Variants in BAHD1 observed in about 807,000 individuals in gnomAD.
BAHD1 encodes bromo adjacent homology domain containing 1, also known as bromo adjacent homology domain-containing 1 protein.
BAHD1 carries 20 observed loss-of-function variants against 63.1 expected under a neutral mutation model. The ratio of observed to expected loss-of-function variants is 0.32; its 90% CI spans 0.22 to 0.46. The LOEUF (loss-of-function observed/expected upper bound fraction) is 0.46, where lower values mean the gene tolerates loss of function less well. Among genes scored for constraint, BAHD1 ranks in the 20% least tolerant of loss-of-function variants. The pLI, the probability that BAHD1 is intolerant of heterozygous loss-of-function variation, is 1.00. For synonymous variants in BAHD1, 408 were observed against 426.8 expected (o/e 0.96, Z 0.54); for missense variants, 939 against 1,071.8 (o/e 0.88, Z 1.73).
chr15:40,459,266 G>C lies in BAHD1; in HGVS notation c.802G>C (p.Glu268Gln). Residue 268 changes from glutamate (E) to glutamine (Q), a missense_variant, in exon 2 of 7, where the codon GAG becomes CAG. By Grantham distance (29) the Glu-to-Gln change is conservative. Around this residue, in one of 5 missense-constraint regions of BAHD1, gnomAD observed 797 missense variants for 813.3 expected, o/e 0.98. Coordinates refer to ENST00000416165, the MANE Select transcript of BAHD1 (RefSeq NM_014952.5). ...GGCTTGGCAGGGGGCCAGCTCTGGG[G>C]AGGCTGCAGGCCCACCTGGCTGGCA... ...PKAWQGASSG[E>Q]AAGPPGWQGC... The C allele has an allele frequency of 6.2e-7, 1 of 1,612,798 alleles. No homozygotes were observed. The highest frequency in any genetic ancestry group is 8.5e-7 in the Non-Finnish European group (1 of 1,179,896).
At chr15:40,455,595 G>A (rs1261534042) in intron 1 of BAHD1, among the ~76,000 whole-genome samples, 1 of 152,200 alleles carries the variant, frequency 6.6e-6, no homozygotes, top group Non-Finnish European at 1.5e-5. Flanking sequence ...TGCTAAGAAC[G>A]CTTCCAGTAG....
chr15:40,461,270 C>T (rs1894030956), intron 2 of BAHD1, among the ~76,000 whole-genome samples: 1 of 152,168 alleles, frequency 6.6e-6, no homozygotes, highest in Non-Finnish European at 1.5e-5. Context: ...TGCCTGAAGT[C>T]ACATGGCTAG....
At chr15:40,446,504 C>T (rs943980580) in intron 1 of BAHD1, among the ~76,000 whole-genome samples, 1 of 152,190 alleles carries the variant, frequency 6.6e-6, no homozygotes, top group Non-Finnish European at 1.5e-5. Context: ...TGGTTATTCA[C>T]TTGACTCAGT....
chr15:40,455,966 A>ATGTTGT (rs772749789), intron 1 of BAHD1, among the ~76,000 whole-genome samples: 1 of 151,844 alleles, frequency 6.6e-6, no homozygotes, highest in Non-Finnish European at 1.5e-5. Context: ...AAATGGGATG[A>ATGTTGT]TGTTGTTGTT....
In BAHD1 at chr15:40,467,615, C is replaced by T. The variant is rs975837134; in HGVS notation, c.*1485C>T. Reference sequence around the variant, plus strand: ...AAATGAACCCTGAGGGCTCCCCCAACTTGCCATGCCCTGTCCCTTAGTAGA... The same window carrying T: ...AAATGAACCCTGAGGGCTCCCCCAATTTGCCATGCCCTGTCCCTTAGTAGA... On this transcript the variant is annotated 3_prime_UTR_variant, in exon 7 of 7. Transcript: ENST00000416165. 1.2e-4 allele frequency: 18 copies of T among 152,886 alleles called. No individual in the cohort carries two copies. The highest frequency in any genetic ancestry group is 4.1e-4 in the African/African-American group (17 of 41,460). 9.5% of individuals were successfully genotyped at this position (152,886 alleles called of 1,614,324 possible).
In BAHD1 at chr15:40,463,813, C is replaced by CT. The variant is rs763934576; in HGVS notation, c.1816-47dup. On this transcript the variant is annotated intron_variant, in intron 3 of 6. Transcript: ENST00000416165. ...GTCATTCCCTCTCTCTGTCCTTACT[C>CT]TGAGTGTGGCTCTGCAAGCCTATTT... The CT allele has an allele frequency of 3.1e-5, 50 of 1,604,808 alleles. No individual in the cohort carries two copies. The African/African-American group carries it at 5.9e-4, about 19-fold the overall frequency.
intron 1 of BAHD1, among the ~76,000 whole-genome samples, chr15:40,450,625 A>G (rs940982133): frequency 6.6e-6 from 1 of 151,608 alleles, no homozygotes; most frequent in African/African-American, 2.4e-5. Flanking sequence ...TTCCTGTTTT[A>G]TTTCTCCCAC....
chr15:40,465,148 G>T (rs147347706), intron 5 of BAHD1, 187 bp from the exon 6 acceptor site: 278 of 600,144 alleles, frequency 4.6e-4, no homozygotes, highest in African/African-American at 3.5e-3. Context: ...AGAAGGGGGG[G>T]ACCTAGAAGG....
At position 40,467,177 on chromosome 15, in the gene BAHD1, A is replaced by C. The variant is rs537605973; in HGVS notation, c.*1047A>C. On this transcript the variant is annotated 3_prime_UTR_variant, in exon 7 of 7. Coordinates refer to ENST00000416165, the MANE Select transcript of BAHD1 (RefSeq NM_014952.5). ...CTGCTGAGCTGCAGCCACTTGCTCT[A>C]GGAGCTAAGGACTTGCATTTTCAGT... The C allele has an allele frequency of 3.3e-5, 5 of 152,762 alleles. No individual in the cohort carries two copies. The highest frequency in any genetic ancestry group is 7.3e-5 in the Non-Finnish European group (5 of 68,116). 9.5% of individuals were successfully genotyped at this position (152,762 alleles called of 1,614,324 possible).
At chr15:40,463,623 G>T (rs2141548108) in intron 3 of BAHD1, among the ~76,000 whole-genome samples, 1 of 152,300 alleles carries the variant, frequency 6.6e-6, no homozygotes, top group South Asian at 2.1e-4. Context: ...CGGGTATGGT[G>T]GTCAGAGCTC....
intron 1 of BAHD1, among the ~76,000 whole-genome samples, chr15:40,446,824 C>T (rs190390969): frequency 2.6e-5 from 4 of 152,256 alleles, no homozygotes; most frequent in Admixed American, 6.5e-5. Context: ...TTCTGCCGTT[C>T]TCTTGACCCC....
chr15:40,443,378 G>C (rs529092082), intron 1 of BAHD1: 14 of 901,890 alleles, frequency 1.6e-5, no homozygotes, highest in African/African-American at 1.1e-4. Context: ...TAATTTAATT[G>C]CATGTCTAAA....
chr15:40,445,556 G>A (rs1425774785), intron 1 of BAHD1, among the ~76,000 whole-genome samples: 3 of 152,208 alleles, frequency 2.0e-5, no homozygotes, highest in Non-Finnish European at 4.4e-5. Flanking sequence ...GAGTCATTAA[G>A]GAGAATAAAA....
intron 1 of BAHD1, among the ~76,000 whole-genome samples, chr15:40,451,273 C>T (rs1893695278): frequency 6.6e-6 from 1 of 151,548 alleles, no homozygotes; most frequent in South Asian, 2.1e-4. Flanking sequence ...TCCCACGGTA[C>T]ACGTGGCATA....
chr15:40,463,577 C>G (rs1199200064), intron 3 of BAHD1, among the ~76,000 whole-genome samples: 3 of 151,886 alleles, frequency 2.0e-5, no homozygotes, highest in Non-Finnish European at 4.4e-5. Context: ...TGAGCACTTA[C>G]CCAGCACTGG....
At chr15:40,461,814 G>C (rs1037707010) in intron 2 of BAHD1, 98 bp from the exon 3 acceptor site, 28 of 1,460,974 alleles carry the variant, frequency 1.9e-5, no homozygotes, top group Middle Eastern at 5.0e-4. Flanking sequence ...GTGGCCTTTG[G>C]TTGCACAGTT....
chr15:40,461,893 C>G lies in BAHD1; in HGVS notation c.1433-19C>G, dbSNP rs1894053582. The G allele has an allele frequency of 6.4e-7, 1 of 1,571,196 alleles. No homozygotes were observed. Among genetic ancestry groups the G allele is most frequent in the East Asian group, 2.3e-5 (1 of 44,284 alleles). On this transcript the variant is annotated intron_variant, in intron 2 of 6. Transcript: ENST00000416165. ...GGGTCACTGCTTGTCCTGTCCTGAC[C>G]ACTCTCTCCCTTTCCTAGAAGGCTG... is the stretch of plus-strand genomic sequence containing the variant.
chr15:40,453,850 A>G (rs1376930275), intron 1 of BAHD1: 1 of 146,640 alleles, frequency 6.8e-6, no homozygotes, highest in Non-Finnish European at 1.5e-5. Flanking sequence ...TCACGCGCTT[A>G]TAGTCTCAGT....
chr15:40,445,289 AC>A (rs1292250738), intron 1 of BAHD1, among the ~76,000 whole-genome samples: 1 of 148,514 alleles, frequency 6.7e-6, no homozygotes, highest in Non-Finnish European at 1.5e-5. Context: ...ACCCTTTCAC[AC>A]CTTCTCTGGT....
Sources: allele counts gnomAD v4.1 joint callset (sites outside exome capture counted in the v4.1 genomes callset), GRCh38; gene constraint gnomAD v4.1.1; regional missense constraint gnomAD v4.1.1; transcripts MANE v1.5; gene names NCBI Gene and HGNC (gene_info 2026-07-23, HGNC 2026-07-21).